Variants in NTMT2 observed in about 807,000 individuals in gnomAD.
NTMT2 encodes the protein X-Pro-Lys N-terminal protein methyltransferase 1B.
A neutral mutation model predicts 23.4 loss-of-function variants in NTMT2; 21 were observed. The observed-to-expected ratio is 0.90, with a 90% CI of 0.64 to 1.29. The LOEUF (loss-of-function observed/expected upper bound fraction) is 1.29. Ranked by LOEUF, NTMT2 falls within the 50% of genes most tolerant of loss-of-function variation. The probability of loss-of-function intolerance (pLI) is 0.00; values close to 1 mark genes in which losing one functional copy is unlikely to be tolerated. For synonymous variants in NTMT2, 131 were observed against 127.7 expected (o/e 1.03, Z -0.17); for missense variants, 336 against 352.0 (o/e 0.95, Z 0.36).
intron 1 of NTMT2, among the ~76,000 whole-genome samples, chr1:170,159,479 G>A (rs1673230637): frequency 8.3e-6 from 1 of 120,644 alleles, no homozygotes; most frequent in African/African-American, 3.3e-5. Context: ...TTGCCTTCCT[G>A]CTGATTCTAA....
intron 1 of NTMT2, among the ~76,000 whole-genome samples, chr1:170,159,023 T>A (rs1381116904): frequency 6.6e-6 from 1 of 151,544 alleles, no homozygotes; most frequent in East Asian, 1.9e-4. Flanking sequence ...TTTTTCAGGC[T>A]TCTTATGTGT....
Position 170,167,712 on chromosome 1 carries a change from C to G in NTMT2, c.807C>G (p.Cys269Trp). ...AGCAGGATGGCTTCCCAGAGCAGTG[C>G]ATCCCCGTGTGGATGTTCGCACTGC... The part of the protein sequence containing the change: ...QEKQDGFPEQ[C>W]IPVWMFALHS... The change falls in exon 4 of 4, where the codon TGC (cysteine) becomes TGG (tryptophan). Residue 269 changes from cysteine to tryptophan, a missense_variant. By Grantham distance (215) the Cys-to-Trp change is radical. Transcript: ENST00000439373. 1.3e-6 allele frequency: 2 copies of G among 1,551,528 alleles called. No homozygotes were observed. The highest frequency in any genetic ancestry group is 1.7e-6 in the Non-Finnish European group (2 of 1,146,948).
intron 1 of NTMT2, among the ~76,000 whole-genome samples, chr1:170,159,816 C>T (rs1368392844): frequency 2.6e-5 from 4 of 152,188 alleles, no homozygotes; most frequent in African/African-American, 7.2e-5. Context: ...AACACACTTA[C>T]GTGTACTCTC....
chr1:170,152,708 T>TC (rs35829674), intron 1 of NTMT2, among the ~76,000 whole-genome samples: 13,907 of 148,442 alleles, frequency 0.094, 692 homozygotes, highest in Middle Eastern at 0.13. Context: ...CACTGATAAA[T>TC]CCCCCCCCCA....
intron 3 of NTMT2, among the ~76,000 whole-genome samples, chr1:170,167,102 A>T (rs943859873): frequency 6.6e-6 from 1 of 152,188 alleles, no homozygotes; most frequent in African/African-American, 2.4e-5. Flanking sequence ...AGAACTAGAC[A>T]TTCTTAGATT....
At chr1:170,155,613 T>TG in intron 1 of NTMT2, among the ~76,000 whole-genome samples, 1 of 152,250 alleles carries the variant, frequency 6.6e-6, no homozygotes, top group Non-Finnish European at 1.5e-5. Context: ...CTAGCTTACT[T>TG]GTCTTCTGAA....
intron 1 of NTMT2, chr1:170,157,942 T>G (rs1443417777): frequency 6.6e-6 from 1 of 152,154 alleles, no homozygotes; most frequent in Non-Finnish European, 1.5e-5. Flanking sequence ...ATGTTTTGTC[T>G]TGTAATATAA....
chr1:170,158,111 A>G (rs1166569937), intron 1 of NTMT2: 1 of 152,080 alleles, frequency 6.6e-6, no homozygotes, highest in East Asian at 1.9e-4. Flanking sequence ...GAATGAATCT[A>G]TAGGAGGTAA....
Position 170,166,716 on chromosome 1 carries a change from G to C in NTMT2, c.545G>C (p.Arg182Thr), listed in dbSNP as rs1396403975. Residue 182 changes from arginine to threonine, a missense_variant, in exon 3 of 4, where the codon AGG (arginine) becomes ACG (threonine). Physicochemically the swap from Arg to Thr is moderately conservative, Grantham distance 71. Coordinates refer to ENST00000439373, the MANE Select transcript of NTMT2 (RefSeq NM_001136107.2). ...YSLQEFTPPF[R>T]RYDVIWIQWV... ...CTGCAGGAATTCACACCCCCCTTCA[G>C]GAGATATGATGTCATCTGGATTCAG... 1 of 1,552,156 alleles carries C rather than the reference G, an allele frequency of 6.4e-7. No homozygotes were observed. Among genetic ancestry groups the C allele is most frequent in the African/African-American group, 1.4e-5 (1 of 72,996 alleles).
At position 170,167,513 on chromosome 1, in the gene NTMT2, C is replaced by T. The variant is rs948198277; in HGVS notation, c.608C>T (p.Ala203Val). 7.7e-6 allele frequency: 12 copies of T among 1,551,212 alleles called. No individual in the cohort carries two copies. Among genetic ancestry groups the T allele is most frequent in the Non-Finnish European group, 1.0e-5 (12 of 1,146,714 alleles). The change falls in exon 4 of 4, where the codon GCA (alanine) becomes GTA (valine). Residue 203 changes from alanine to valine, a missense_variant. Physicochemically the swap from Ala to Val is moderately conservative, Grantham distance 64. Coordinates refer to ENST00000439373, the MANE Select transcript of NTMT2 (RefSeq NM_001136107.2). ...SGHLTDKDLL[A>V]FLSRCRDGLK... is the part of the protein sequence containing the mutation. The stretch of plus-strand genomic sequence containing the variant: ...CACCTGACTGATAAGGACCTTCTTG[C>T]ATTTCTTTCCCGGTGCCGAGATGGC...
rs1673205608 is a variant in NTMT2, at chr1:170,158,401, G to A, written c.155-2117G>A. On this transcript the variant is annotated intron_variant, in intron 1 of 3. Coordinates refer to ENST00000439373, the MANE Select transcript of NTMT2 (RefSeq NM_001136107.2). ...CCAATAAATTATTCATTATTTGTCT[G>A]AAGTTCAAATATGTGTGTTGTGTAT... is the stretch of plus-strand genomic sequence containing the variant. 1.3e-5 allele frequency among the ~76,000 whole-genome samples: 2 copies of A among 151,994 alleles called. 1 individual carries two copies. The highest frequency in any genetic ancestry group is 2.9e-5 in the Non-Finnish European group (2 of 67,932).
chr1:170,159,489 A>G (rs1673230842), intron 1 of NTMT2, among the ~76,000 whole-genome samples: 2 of 139,050 alleles, frequency 1.4e-5, no homozygotes, highest in African/African-American at 5.4e-5. Flanking sequence ...GCTGATTCTA[A>G]GTCTGGAATG....
At chr1:170,163,448 G>A (rs1673311575) in intron 2 of NTMT2, among the ~76,000 whole-genome samples, 1 of 152,156 alleles carries the variant, frequency 6.6e-6, no homozygotes, top group South Asian at 2.1e-4. Context: ...TAAACTAGTT[G>A]CAAATGTATT....
At chr1:170,168,866 TC>T (rs1305475040), downstream of NTMT2, among the ~76,000 whole-genome samples, 1 of 152,164 alleles carries the variant, frequency 6.6e-6, no homozygotes, top group Admixed American at 6.5e-5. Context: ...CTAAAATCAT[TC>T]AAAAAATGTA....
intron 1 of NTMT2, 34 bp from the exon 2 acceptor site, chr1:170,160,484 A>G: frequency 7.0e-7 from 1 of 1,429,168 alleles, no homozygotes; most frequent in East Asian, 2.5e-5. Flanking sequence ...TATCTTATAA[A>G]TATTAATACC....
At chr1:170,146,677 T>C (rs1450725166) in intron 1 of NTMT2, among the ~76,000 whole-genome samples, 1 of 152,210 alleles carries the variant, frequency 6.6e-6, no homozygotes, top group Non-Finnish European at 1.5e-5. Flanking sequence ...TAGATCAAAA[T>C]GTGCTTGGGT....
At chr1:170,146,397 G>A in intron 1 of NTMT2, 136 bp downstream of exon 1, 2 of 788,604 alleles carry the variant, frequency 2.5e-6, no homozygotes, top group East Asian at 5.5e-5. Flanking sequence ...ATGTCACTGG[G>A]CTGAAATGTT....
At chr1:170,152,098 G>C (rs1339064592) in intron 1 of NTMT2, among the ~76,000 whole-genome samples, 1 of 152,064 alleles carries the variant, frequency 6.6e-6, no homozygotes, top group Non-Finnish European at 1.5e-5. Context: ...TTTATTCAAT[G>C]AACATTCAAA....
rs1402424681 is a variant in NTMT2, at chr1:170,160,576, A to G, written c.213A>G (p.Arg71=). Residue 71 remains arginine (R), a synonymous_variant, in exon 2 of 4, where the codon AGA becomes AGG. Transcript: ENST00000439373. ...VINGEMQFYA[R]AKLFYQEVPA... ...ATGGTGAGATGCAGTTCTATGCCAG[A>G]GCTAAACTTTTCTACCAAGAAGTAC... The G allele has an allele frequency of 6.4e-7, 1 of 1,551,680 alleles. No homozygotes were observed. Among genetic ancestry groups the G allele is most frequent in the Admixed American group, 2.0e-5 (1 of 50,926 alleles).
Sources: gnomAD v4.1 joint callset for allele counts (sites outside exome capture counted in the v4.1 genomes callset) on GRCh38, gnomAD v4.1.1 for gene constraint, MANE v1.5 for transcripts, NCBI Gene and HGNC (gene_info 2026-07-23, HGNC 2026-07-21) for gene names.